Variants in ZNF212 observed in about 807,000 individuals in gnomAD.
ZNF212 encodes Zinc finger protein C2H2-150.
A neutral mutation model predicts 47.3 loss-of-function variants in ZNF212; 32 were observed. The ratio of observed to expected loss-of-function variants is 0.68; its 90% CI spans 0.51 to 0.91. The LOEUF (loss-of-function observed/expected upper bound fraction) is 0.91, where lower values mean the gene tolerates loss of function less well. Among genes scored for constraint, ZNF212 ranks in the 40% least tolerant of loss-of-function variants. The pLI is 0.00. For missense variants in ZNF212, 555 were observed against 622.8 expected (o/e 0.89, Z 1.16); for synonymous variants, 242 against 253.8 (o/e 0.95, Z 0.44).
In ZNF212 at chr7:149,250,825, C is replaced by G; in HGVS notation, c.541+18C>G. 2 of 1,613,898 alleles carry G rather than the reference C, an allele frequency of 1.2e-6. No individual in the cohort carries two copies. Among genetic ancestry groups the G allele is most frequent in the Non-Finnish European group, 8.5e-7 (1 of 1,179,910 alleles). On this transcript the variant is annotated intron_variant, in intron 3 of 4. Transcript: ENST00000335870. ...CTCTCTGAGTGAGTAGCAGTTTTCT[C>G]CCTAGAATTCTGTCTCAGACATACT...
Position 149,239,671 on chromosome 7 carries a change from ACGG to A in ZNF212, c.-91_-89del, listed in dbSNP as rs111428978. Reference sequence around the variant, plus strand: ...CTCCCAGAATGCACCTGGCATCAACACGGCGGCGGCGGCGGCGGCTTCCAACAG... The same window carrying A: ...CTCCCAGAATGCACCTGGCATCAACACGGCGGCGGCGGCGGCTTCCAACAG... On this transcript the variant is annotated 5_prime_UTR_variant, in exon 1 of 5. Transcript: ENST00000335870. 8.1e-4 allele frequency: 875 copies of A among 1,085,510 alleles called. 2 individuals carry two copies. The highest frequency in any genetic ancestry group is 4.1e-3 in the Middle Eastern group (12 of 2,924). The allele number at this position is 1,085,510 out of a possible 1,614,324, so 67.2% of individuals were successfully genotyped here.
intron 1 of ZNF212, among the ~76,000 whole-genome samples, chr7:149,240,946 A>T (rs1226991592): frequency 6.6e-6 from 1 of 152,248 alleles, no homozygotes. Context: ...TTGGGAAGAC[A>T]AGACACAAAT....
Position 149,250,565 on chromosome 7 carries a change from T to A in ZNF212, c.414+17T>A. 6.2e-7 allele frequency: 1 copy of A among 1,605,672 alleles called. No individual in the cohort carries two copies. Reference sequence around the variant, plus strand: ...GCCCCCAAGGTAGTCTCATTGAGGATTAAAAGTTAGAAGAGAAGGGGGAGC... The same window carrying A: ...GCCCCCAAGGTAGTCTCATTGAGGAATAAAAGTTAGAAGAGAAGGGGGAGC... On this transcript the variant is annotated intron_variant, in intron 2 of 4. Coordinates refer to ENST00000335870, the MANE Select transcript of ZNF212 (RefSeq NM_012256.4).
Position 149,239,784 on chromosome 7 carries a change from G to T in ZNF212, c.6G>T (p.Ala2=). M[A]ESAPARHRRK... is the part of the protein sequence containing the mutation. Reference sequence around the variant, plus strand: ...GTTGAGGGGCGACTGGAGCCATGGCGGAGTCGGCGCCTGCTCGGGTAAAGA... The same window carrying T: ...GTTGAGGGGCGACTGGAGCCATGGCTGAGTCGGCGCCTGCTCGGGTAAAGA... The change falls in exon 1 of 5, where the codon GCG becomes GCT. Residue 2 remains alanine, a synonymous_variant. Transcript: ENST00000335870. 7.8e-7 allele frequency: 1 copy of T among 1,275,756 alleles called. No individual in the cohort carries two copies. Among genetic ancestry groups the T allele is most frequent in the East Asian group, 3.0e-5 (1 of 33,712 alleles). 79.0% of individuals were successfully genotyped at this position (1,275,756 alleles called of 1,614,324 possible). A position where few individuals can be genotyped will look rare whatever the true frequency, so the allele number is the denominator to read the frequency against.
chr7:149,250,428 G>A lies in ZNF212; in HGVS notation c.294G>A (p.Gly98=). The A allele has an allele frequency of 1.2e-6, 2 of 1,614,180 alleles. No homozygotes were observed. The highest frequency in any genetic ancestry group is 1.1e-5 in the South Asian group (1 of 91,074). ...NQLEGKWAVL[G]TLLQEYGLLQ... is the part of the protein sequence containing the mutation. ...TGGAGGGCAAGTGGGCCGTGCTGGG[G>A]ACCCTGCTGCAGGAGTATGGGCTAC... Residue 98 remains glycine (G), a synonymous_variant, in exon 2 of 5, where the codon GGG becomes GGA. Transcript: ENST00000335870.
At chr7:149,251,579 T>C (rs1321956530) in intron 3 of ZNF212, among the ~76,000 whole-genome samples, 1 of 147,508 alleles carries the variant, frequency 6.8e-6, no homozygotes, top group African/African-American at 2.5e-5. Flanking sequence ...CCTTGACAGC[T>C]TGGGCTCAAA....
chr7:149,252,898 C>G, intron 4 of ZNF212, 103 bp downstream of exon 4: 1 of 1,100,548 alleles, frequency 9.1e-7, no homozygotes, highest in African/African-American at 1.5e-5. Flanking sequence ...GTGACCTCAT[C>G]TGGCATCTGC....
chr7:149,243,579 A>G (rs1367625073), intron 1 of ZNF212, among the ~76,000 whole-genome samples: 2 of 152,164 alleles, frequency 1.3e-5, no homozygotes, highest in East Asian at 1.9e-4. Flanking sequence ...TATATTTAGT[A>G]TCTTTAGAGA....
rs1190405976 is a variant in ZNF212, at chr7:149,254,017, A to G, written c.1090A>G (p.Lys364Glu). The stretch of plus-strand genomic sequence containing the variant: ...CAGGCCACGGCTGAAACCACAGACC[A>G]AAAAGGCCAAGCTGCATCAGTGTGA... ...RPRPRLKPQT[K>E]KAKLHQCDVC... Residue 364 changes from lysine (K) to glutamate (E), a missense_variant, in exon 5 of 5, where the codon AAA becomes GAA. Transcript: ENST00000335870. The surrounding 1 kb of genome is among the most constrained non-coding windows in gnomAD (Gnocchi z 4.5). The G allele has an allele frequency of 6.2e-7, 1 of 1,612,820 alleles. No individual in the cohort carries two copies. Among genetic ancestry groups the G allele is most frequent in the Admixed American group, 1.7e-5 (1 of 59,842 alleles).
At position 149,253,689 on chromosome 7, in the gene ZNF212, T is replaced by A. The variant is rs1185424148; in HGVS notation, c.762T>A (p.Gly254=). 3.7e-6 allele frequency: 6 copies of A among 1,613,876 alleles called. No individual in the cohort carries two copies. Among genetic ancestry groups the A allele is most frequent in the Non-Finnish European group, 5.1e-6 (6 of 1,179,970 alleles). Residue 254 remains glycine (G), a synonymous_variant, in exon 5 of 5, where the codon GGT becomes GGA. Transcript: ENST00000335870. ...LSPEQTELWG[G]QGSSVLLETG... is the part of the protein sequence containing the mutation. ...CAGAGCAGACCGAACTCTGGGGTGG[T>A]CAGGGCAGTTCTGTCCTCTTGGAAA...
rs200345979 is a variant in ZNF212 at position 149,252,707 on chromosome 7, G to A, written c.543G>A (p.Lys181=). ...ESNYETLVSL[K]VLGQTEGEAE... Reference sequence around the variant, plus strand: ...CACACTGTGCTGTTTCCCACCCAGAGGTCCTTGGCCAGACAGAGGGAGAAG... The same window carrying A: ...CACACTGTGCTGTTTCCCACCCAGAAGTCCTTGGCCAGACAGAGGGAGAAG... Residue 181 remains lysine, a splice_region_variant and synonymous_variant, in exon 4 of 5, where the codon AAG becomes AAA. Coordinates refer to ENST00000335870, the MANE Select transcript of ZNF212 (RefSeq NM_012256.4). 6 of 1,614,124 alleles carry A rather than the reference G, an allele frequency of 3.7e-6. No homozygotes were observed. In the Admixed American group the frequency reaches 1.0e-4, roughly 27 times the overall value.
rs902358340 is a variant in ZNF212 at position 149,241,162 on chromosome 7, A to G, written c.24+1360A>G. Among the ~76,000 whole-genome samples, 27 of 152,310 alleles carry G rather than the reference A, an allele frequency of 1.8e-4. 2 individuals are homozygous for G. Among genetic ancestry groups the G allele is most frequent in the Middle Eastern group, 6.8e-3 (2 of 294 alleles). On this transcript the variant is annotated intron_variant, in intron 1 of 4. Transcript: ENST00000335870. Reference sequence around the variant, plus strand: ...TAAAGGTCCACCACAGGCCAGGCGCAGTGGCTCATGCCTGTAATCCCAGCA... The same window carrying G: ...TAAAGGTCCACCACAGGCCAGGCGCGGTGGCTCATGCCTGTAATCCCAGCA...
chr7:149,254,549 C>A lies in ZNF212; in HGVS notation c.*134C>A. 7.5e-7 allele frequency: 1 copy of A among 1,335,938 alleles called. No individual in the cohort carries two copies. Among genetic ancestry groups the A allele is most frequent in the Admixed American group, 2.9e-5 (1 of 35,024 alleles). 82.8% of individuals were successfully genotyped at this position (1,335,938 alleles called of 1,614,324 possible). On this transcript the variant is annotated 3_prime_UTR_variant, in exon 5 of 5. Coordinates refer to ENST00000335870, the MANE Select transcript of ZNF212 (RefSeq NM_012256.4). The surrounding 1 kb of genome is among the most constrained non-coding windows in gnomAD (Gnocchi z 4.5). The stretch of plus-strand genomic sequence containing the variant: ...TGCCTTCCCTTGTCCCAGTACCAAG[C>A]CAAGCCCAAAGGCTGTCCTGAAAAC...
At chr7:149,241,025 C>T (rs1241889168) in intron 1 of ZNF212, among the ~76,000 whole-genome samples, 3 of 152,210 alleles carry the variant, frequency 2.0e-5, no homozygotes, top group Non-Finnish European at 4.4e-5. Flanking sequence ...GGCTTTTCCA[C>T]AAGATCTAGT....
chr7:149,248,008 A>G (rs1330924157), intron 1 of ZNF212, among the ~76,000 whole-genome samples: 1 of 152,174 alleles, frequency 6.6e-6, no homozygotes, highest in Admixed American at 6.5e-5. Context: ...GTGACAGAGG[A>G]GGCAAGAGAG....
rs542496373 is a variant in ZNF212, at chr7:149,248,532, AG to A, written c.25-1626del. Reference sequence around the variant, plus strand: ...AGATAATTCAAAACAGAAGACAAGAAGAAACTAGCTTAATCATTCTTTTCAA... The same window carrying A: ...AGATAATTCAAAACAGAAGACAAGAAAAACTAGCTTAATCATTCTTTTCAA... On this transcript the variant is annotated intron_variant, in intron 1 of 4. Transcript: ENST00000335870. Among the ~76,000 whole-genome samples the A allele has an allele frequency of 1.7e-3, 264 of 152,338 alleles. 2 individuals are homozygous for A. The highest frequency in any genetic ancestry group is 5.8e-3 in the African/African-American group (243 of 41,578).
chr7:149,253,469 C>G (rs990063440), intron 4 of ZNF212, 90 bp from the exon 5 acceptor site: 2 of 1,477,362 alleles, frequency 1.4e-6, no homozygotes, highest in Admixed American at 4.5e-5. Context: ...TCCTGGGGTG[C>G]TTCTGAAATT....
rs1271278561 is a variant in ZNF212, at chr7:149,254,267, G to A, written c.1340G>A (p.Arg447His). Residue 447 changes from arginine (R) to histidine (H), a missense_variant, in exon 5 of 5, where the codon CGC (arginine) becomes CAC (histidine). Coordinates refer to ENST00000335870, the MANE Select transcript of ZNF212 (RefSeq NM_012256.4). This position sits in a 1 kb window ranked among gnomAD's most constrained non-coding sequence, Gnocchi z 4.5. ...SHPSDLVRHQ[R>H]IHTGERPYSC... ...CCATCTGACTTGGTGCGGCACCAGC[G>A]CATCCACACGGGTGAGCGGCCCTAC... The A allele has an allele frequency of 2.5e-6, 4 of 1,614,100 alleles. No homozygotes were observed. The highest frequency in any genetic ancestry group is 2.7e-5 in the African/African-American group (2 of 74,936).
intron 3 of ZNF212, chr7:149,251,308 T>A (rs1796753881): frequency 6.4e-6 from 1 of 156,526 alleles, no homozygotes; most frequent in South Asian, 1.7e-4. Flanking sequence ...CCTCAGCCTC[T>A]CGAGTAGCTG....
Sources: gnomAD v4.1 joint callset for allele counts (sites outside exome capture counted in the v4.1 genomes callset) on GRCh38, gnomAD v4.1.1 for gene constraint, Gnocchi (gnomAD v3.1) non-coding constraint, MANE v1.5 for transcripts, NCBI Gene and HGNC (gene_info 2026-07-23, HGNC 2026-07-21) for gene names.